Variants in CAST observed in about 807,000 individuals in gnomAD.
The protein encoded by CAST is calpastatin.
Under a neutral mutation model 119.6 loss-of-function variants are expected in CAST, and 76 were observed. That is an observed-to-expected ratio of 0.64 (90% confidence interval 0.53 to 0.77). The LOEUF (loss-of-function observed/expected upper bound fraction) is 0.77, where lower values mean the gene tolerates loss of function less well. Among genes scored for constraint, CAST ranks in the 30% least tolerant of loss-of-function variants. CAST has a pLI of 0.00. For missense variants in CAST, 953 were observed against 946.5 expected (o/e 1.01, Z -0.09); for synonymous variants, 319 against 331.6 (o/e 0.96, Z 0.41).
At chr5:96,744,696 T>C (rs745540159) in intron 16 of CAST, among the ~76,000 whole-genome samples, 1 of 152,178 alleles carries the variant, frequency 6.6e-6, no homozygotes, top group Non-Finnish European at 1.5e-5. Flanking sequence ...GTGGGTCCTT[T>C]ACATCCTAGA....
the CAST span, among the ~76,000 whole-genome samples, chr5:96,356,560 G>GT: frequency 3.9e-5 from 6 of 152,148 alleles, no homozygotes; most frequent in African/African-American, 1.2e-4. Flanking sequence ...TGACTAGCTA[G>GT]TTTTTTCAAC....
the CAST span, among the ~76,000 whole-genome samples, chr5:96,267,210 A>G: frequency 6.6e-6 from 1 of 152,206 alleles, no homozygotes; most frequent in South Asian, 2.1e-4. Context: ...TCTAAGAATT[A>G]TTGATGTTCA....
Position 96,692,731 on chromosome 5 carries a change from A to T in CAST, c.139-3105A>T, listed in dbSNP as rs535091101. On this transcript the variant is annotated intron_variant, in intron 2 of 31. Coordinates refer to ENST00000675179, the MANE Select transcript of CAST (RefSeq NM_001750.7). ...AACCCTGAGCCAATCACTCTCTGTT[A>T]CCTCATCCCATCTCACAGTCTGTTC... 1.1e-3 allele frequency among the ~76,000 whole-genome samples: 169 copies of T among 152,178 alleles called. 1 individual carries two copies. The South Asian group carries it at 0.033, about 30-fold the overall frequency.
At chr5:96,428,335 T>G in the CAST span, among the ~76,000 whole-genome samples, 3,735 of 152,208 alleles carry the variant, frequency 0.025, 148 homozygotes, top group African/African-American at 0.085. Context: ...ATTCTCCAGG[T>G]TGTCCTAGGT....
the CAST span, among the ~76,000 whole-genome samples, chr5:96,411,968 C>A: frequency 6.6e-6 from 1 of 152,116 alleles, no homozygotes; most frequent in African/African-American, 2.4e-5. Context: ...TAAGTTGAGA[C>A]CACAGTTTCA....
intron 1 of CAST, among the ~76,000 whole-genome samples, chr5:96,544,027 T>C (rs553079916): frequency 1.3e-5 from 2 of 152,226 alleles, no homozygotes; most frequent in African/African-American, 4.8e-5. Flanking sequence ...TCTTCTTCAA[T>C]GTTGTGTTGG....
At chr5:96,191,848 G>A in the CAST span, among the ~76,000 whole-genome samples, 17 of 152,308 alleles carry the variant, frequency 1.1e-4, no homozygotes, top group Admixed American at 7.2e-4. Flanking sequence ...GATTACAGGC[G>A]TGTGCCACTG....
intron 1 of CAST, among the ~76,000 whole-genome samples, chr5:96,593,948 A>C (rs1157021686): frequency 6.6e-6 from 1 of 152,246 alleles, no homozygotes; most frequent in African/African-American, 2.4e-5. Context: ...AAGCCAATGC[A>C]TGTCAGCCAT....
At chr5:96,439,688 T>C in the CAST span, among the ~76,000 whole-genome samples, 21 of 152,248 alleles carry the variant, frequency 1.4e-4, no homozygotes, top group African/African-American at 4.8e-4. Flanking sequence ...CTGTAAGAAA[T>C]TGGTCACCTC....
chr5:96,190,370 T>C, the CAST span, among the ~76,000 whole-genome samples: 1 of 152,178 alleles, frequency 6.6e-6, no homozygotes, highest in African/African-American at 2.4e-5. Context: ...GGTTCTTTAA[T>C]GAAGGACATT....
intron 1 of CAST, among the ~76,000 whole-genome samples, chr5:96,621,319 A>G (rs1216500460): frequency 6.6e-6 from 1 of 152,246 alleles, no homozygotes; most frequent in Admixed American, 6.5e-5. Flanking sequence ...CAATTTAATC[A>G]AGATGGAGGT....
the CAST span, among the ~76,000 whole-genome samples, chr5:96,383,968 T>C: frequency 6.6e-6 from 1 of 152,008 alleles, no homozygotes; most frequent in Non-Finnish European, 1.5e-5. Context: ...ATCAGGGAGA[T>C]GAGTAGGAGG....
chr5:96,769,642 A>G (rs1742690908), intron 29 of CAST: 2 of 152,024 alleles, frequency 1.3e-5, no homozygotes, highest in South Asian at 4.1e-4. Flanking sequence ...ATACAATTTT[A>G]TTAACCTTAG....
chr5:96,143,940 A>G, the CAST span, among the ~76,000 whole-genome samples: 5 of 152,334 alleles, frequency 3.3e-5, no homozygotes, highest in African/African-American at 1.2e-4. Flanking sequence ...ATTGCTAAAT[A>G]ATGAGAATTA....
chr5:96,263,409 A>C, the CAST span, among the ~76,000 whole-genome samples: 2 of 152,166 alleles, frequency 1.3e-5, no homozygotes, highest in African/African-American at 4.8e-5. Flanking sequence ...CCCCACTGAG[A>C]GTGACGAGCC....
chr5:96,340,719 T>G, the CAST span, among the ~76,000 whole-genome samples: 30 of 152,350 alleles, frequency 2.0e-4, no homozygotes, highest in African/African-American at 6.3e-4. Context: ...AGGAGGATGT[T>G]GCTTCCCACT....
At chr5:96,254,339 C>T in the CAST span, among the ~76,000 whole-genome samples, 1 of 151,998 alleles carries the variant, frequency 6.6e-6, no homozygotes, top group South Asian at 2.1e-4. Flanking sequence ...ATTTCAGAAA[C>T]AAAATGCAAA....
At chr5:96,625,870 C>G (rs529889223) in intron 1 of CAST, among the ~76,000 whole-genome samples, 12 of 152,228 alleles carry the variant, frequency 7.9e-5, no homozygotes, top group African/African-American at 2.2e-4. Flanking sequence ...GCAGGCCTAT[C>G]CCTGCCCCTT....
At chr5:96,562,509 G>T (rs1333044681) in intron 1 of CAST, among the ~76,000 whole-genome samples, 1 of 152,058 alleles carries the variant, frequency 6.6e-6, no homozygotes, top group Non-Finnish European at 1.5e-5. Flanking sequence ...GGGGAAACAA[G>T]AGCTGTCATA....
Sources: gnomAD v4.1 joint callset for allele counts (sites outside exome capture counted in the v4.1 genomes callset) on GRCh38, gnomAD v4.1.1 for gene constraint, MANE v1.5 for transcripts, NCBI Gene and HGNC (gene_info 2026-07-23, HGNC 2026-07-21) for gene names.